Variants in RGMA observed in about 807,000 individuals in gnomAD.
RGMA encodes repulsive guidance molecule A.
In RGMA, 10 loss-of-function variants were observed where a neutral mutation model predicts 23.2. The observed-to-expected ratio is 0.43, with a 90% CI of 0.27 to 0.73. The LOEUF (loss-of-function observed/expected upper bound fraction) is 0.73. Among genes scored for constraint, RGMA ranks in the 30% least tolerant of loss-of-function variants. The probability of loss-of-function intolerance (pLI) is 0.20; values close to 1 mark genes in which losing one functional copy is unlikely to be tolerated. For missense variants in RGMA, 547 were observed against 630.5 expected, an observed-to-expected ratio of 0.87 and a Z score of 1.42; for synonymous variants, 308 against 279.3, an observed-to-expected ratio of 1.10 and a Z score of -1.03.
At chr15:93,050,079 C>T (rs915464598) in intron 3 of RGMA, among the ~76,000 whole-genome samples, 1 of 152,206 alleles carries the variant, frequency 6.6e-6, no homozygotes, top group Non-Finnish European at 1.5e-5. Flanking sequence ...TGGATGGGCT[C>T]CCCAGTTCTC....
chr15:93,057,190 A>G (rs926940230), intron 2 of RGMA, among the ~76,000 whole-genome samples: 1 of 152,174 alleles, frequency 6.6e-6, no homozygotes, highest in African/African-American at 2.4e-5. Context: ...CTCGCTTCCC[A>G]TGGGCACCAG....
At chr15:93,068,101 G>C (rs1895215087) in intron 2 of RGMA, among the ~76,000 whole-genome samples, 1 of 152,178 alleles carries the variant, frequency 6.6e-6, no homozygotes, top group African/African-American at 2.4e-5. Flanking sequence ...TAATCTAACT[G>C]TCCTGGTGTG....
rs1251496414 is a variant in RGMA at position 93,043,416 on chromosome 15, TAAC to T, written c.*1579_*1581del. On this transcript the variant is annotated 3_prime_UTR_variant, in exon 4 of 4. Coordinates refer to ENST00000329082, the MANE Select transcript of RGMA (RefSeq NM_020211.3). ...AAACTCCAACACGTCTAAAAGAAAA[TAAC>T]AAAAAAACCAAACTTTACTTGCATT... 3 of 152,168 alleles carry T rather than the reference TAAC, an allele frequency of 2.0e-5. No homozygotes were observed. Among genetic ancestry groups the T allele is most frequent in the South Asian group, 4.1e-4 (2 of 4,824 alleles). The allele number at this position is 152,168 out of a possible 1,614,324, so 9.4% of individuals were successfully genotyped here.
At chr15:93,079,622 C>A (rs528679236) in intron 1 of RGMA, among the ~76,000 whole-genome samples, 1 of 152,166 alleles carries the variant, frequency 6.6e-6, no homozygotes, top group Non-Finnish European at 1.5e-5. Flanking sequence ...GAGTTTGAGA[C>A]CAGCCTGGCC....
Position 93,087,394 on chromosome 15 carries a change from C to T in RGMA, c.14+1525G>A, listed in dbSNP as rs1449140556. The stretch of plus-strand genomic sequence containing the variant: ...TCTGCCCCAGTTGTTAATTGGAGAT[C>T]ATGTCCCTGTAAAGGGGGCTTGCTT... On this transcript the variant is annotated intron_variant, in intron 1 of 3. Coordinates refer to ENST00000329082, the MANE Select transcript of RGMA (RefSeq NM_020211.3). Among the ~76,000 whole-genome samples the T allele has an allele frequency of 2.0e-5, 3 of 147,886 alleles. No individual in the cohort carries two copies. In the East Asian group the frequency reaches 6.0e-4, roughly 29 times the overall value.
chr15:93,041,443 A>G lies in RGMA; in HGVS notation c.*3555T>C, dbSNP rs936853734. Reference sequence around the variant, plus strand: ...TTTAGCTCAGGATGCTGTGTTCCATATTCACGACGGCATTTCCATGCTCGT... The same window carrying G: ...TTTAGCTCAGGATGCTGTGTTCCATGTTCACGACGGCATTTCCATGCTCGT... On this transcript the variant is annotated 3_prime_UTR_variant, in exon 4 of 4. Coordinates refer to ENST00000329082, the MANE Select transcript of RGMA (RefSeq NM_020211.3). The G allele has an allele frequency of 3.3e-5, 5 of 152,200 alleles. No individual in the cohort carries two copies. The highest frequency in any genetic ancestry group is 1.2e-4 in the African/African-American group (5 of 41,442). The allele number at this position is 152,200 out of a possible 1,614,324, so 9.4% of individuals were successfully genotyped here. A position where few individuals can be genotyped will look rare whatever the true frequency, so the allele number is the denominator to read the frequency against.
At chr15:93,053,427 T>C (rs151274194) in intron 2 of RGMA, among the ~76,000 whole-genome samples, 133 of 152,258 alleles carry the variant, frequency 8.7e-4, no homozygotes, top group African/African-American at 2.9e-3. Flanking sequence ...GGACACCAGC[T>C]GGGAGGTCCA....
Position 93,045,265 on chromosome 15 carries a change from G to A in RGMA, c.1086C>T (p.Ala362=). ...CCACCGGCAGCTTCTCCTTGCACTT[G>A]GCCACGGCTGTCTCGTATGGGAAGG... ...PETFPYETAV[A]KCKEKLPVED... The change falls in exon 4 of 4, where the codon GCC becomes GCT. Residue 362 remains alanine, a synonymous_variant. Coordinates refer to ENST00000329082, the MANE Select transcript of RGMA (RefSeq NM_020211.3). The surrounding 1 kb of genome is among the most constrained non-coding windows in gnomAD (Gnocchi z 6.9). 6.2e-7 allele frequency: 1 copy of A among 1,613,124 alleles called. No individual in the cohort carries two copies. Among genetic ancestry groups the A allele is most frequent in the Non-Finnish European group, 8.5e-7 (1 of 1,179,776 alleles).
intron 2 of RGMA, among the ~76,000 whole-genome samples, chr15:93,061,939 A>G (rs1157833243): frequency 1.3e-5 from 2 of 152,194 alleles, no homozygotes; most frequent in Non-Finnish European, 2.9e-5. Context: ...CTAGGAATGC[A>G]GTGAGCTGCT....
At chr15:93,065,348 G>A (rs1445386167) in intron 2 of RGMA, among the ~76,000 whole-genome samples, 2 of 151,158 alleles carry the variant, frequency 1.3e-5, no homozygotes, top group East Asian at 3.9e-4. Flanking sequence ...AGGGGAGGGG[G>A]TTGGTGTCTC....
chr15:93,048,645 GCC>G (rs2141800906), intron 3 of RGMA, among the ~76,000 whole-genome samples: 1 of 152,292 alleles, frequency 6.6e-6, no homozygotes, highest in South Asian at 2.1e-4. Context: ...CCAGCATGGA[GCC>G]CTAAGCCTCG....
chr15:93,074,405 A>G (rs1946087002), intron 1 of RGMA, among the ~76,000 whole-genome samples: 1 of 152,166 alleles, frequency 6.6e-6, no homozygotes, highest in Non-Finnish European at 1.5e-5. Flanking sequence ...AGAAGGCCCT[A>G]TGGCTGTGAA....
chr15:93,066,856 T>C (rs1016690251), intron 2 of RGMA, among the ~76,000 whole-genome samples: 2 of 152,188 alleles, frequency 1.3e-5, no homozygotes, highest in Non-Finnish European at 2.9e-5. Flanking sequence ...AATCTGTGCA[T>C]GGGCTCAGGG....
chr15:93,079,932 C>T (rs899632305), intron 1 of RGMA, among the ~76,000 whole-genome samples: 6 of 152,134 alleles, frequency 3.9e-5, no homozygotes, highest in South Asian at 2.1e-4. Context: ...ATTTTGGCTA[C>T]GAGGATGTTG....
At position 93,052,423 on chromosome 15, in the gene RGMA, G is replaced by T; in HGVS notation, c.215C>A (p.Thr72Asn). The change falls in exon 3 of 4, where the codon ACC becomes AAC. Residue 72 changes from threonine to asparagine, a missense_variant. Thr to Asn is a moderately conservative substitution (Grantham distance 65). Transcript: ENST00000329082. ...GCGCAAGGCTGCACAGAACTCGGGG[G>T]TGTCGTCTGAGGCTGGGGCGTGGCT... ...SGSHAPASDD[T>N]PEFCAALRSY... 2 of 1,596,886 alleles carry T rather than the reference G, an allele frequency of 1.3e-6. No individual in the cohort carries two copies. Among genetic ancestry groups the T allele is most frequent in the Non-Finnish European group, 1.7e-6 (2 of 1,177,730 alleles).
At chr15:93,053,582 T>C (rs1330179206) in intron 2 of RGMA, among the ~76,000 whole-genome samples, 1 of 152,216 alleles carries the variant, frequency 6.6e-6, no homozygotes, top group African/African-American at 2.4e-5. Context: ...CCTATAAAAT[T>C]GAGTTGCACA....
chr15:93,045,762 C>G lies in RGMA; in HGVS notation c.646-57G>C. On this transcript the variant is annotated intron_variant, in intron 3 of 3. Coordinates refer to ENST00000329082, the MANE Select transcript of RGMA (RefSeq NM_020211.3). The surrounding 1 kb of genome is among the most constrained non-coding windows in gnomAD (Gnocchi z 6.9). ...GAGGCACAGTGGGAGGAGGCACAGC[C>G]CCACACTTAAGATGCTCTAGACTGA... The G allele has an allele frequency of 7.8e-7, 1 of 1,280,786 alleles. No individual in the cohort carries two copies. The highest frequency in any genetic ancestry group is 1.2e-5 in the South Asian group (1 of 80,760). The allele number at this position is 1,280,786 out of a possible 1,614,324, so 79.3% of individuals were successfully genotyped here.
chr15:93,069,020 CCAAA>C (rs1229926220), intron 2 of RGMA, among the ~76,000 whole-genome samples: 3 of 152,190 alleles, frequency 2.0e-5, no homozygotes, highest in Non-Finnish European at 4.4e-5. Flanking sequence ...TTACAGCAGC[CCAAA>C]CAAACTAAGA....
At chr15:93,059,382 G>C (rs1391834827) in intron 2 of RGMA, among the ~76,000 whole-genome samples, 2 of 152,162 alleles carry the variant, frequency 1.3e-5, no homozygotes, top group Non-Finnish European at 2.9e-5. Flanking sequence ...CGACTTCTTG[G>C]GTTTCCCAGG....
Sources: gnomAD v4.1 joint callset for allele counts (sites outside exome capture counted in the v4.1 genomes callset) on GRCh38, gnomAD v4.1.1 for gene constraint, Gnocchi (gnomAD v3.1) non-coding constraint, MANE v1.5 for transcripts, NCBI Gene and HGNC (gene_info 2026-07-23, HGNC 2026-07-21) for gene names.